The following TSPAN15 variants were observed in gnomAD, a reference collection of about 807,000 sequenced individuals.
The protein encoded by TSPAN15 is tetraspanin 15, also known as tetraspanin-15.
Under a neutral mutation model 34.5 loss-of-function variants are expected in TSPAN15, and 20 were observed. That is an observed-to-expected ratio of 0.58 (90% CI 0.41 to 0.84). The LOEUF is 0.84. Among genes scored for constraint, TSPAN15 ranks in the 40% least tolerant of loss-of-function variants. The pLI is 0.00. For missense variants in TSPAN15, 313 were observed against 386.1 expected (o/e 0.81, Z 1.59); for synonymous variants, 155 against 153.9 (o/e 1.01, Z -0.05).
At chr10:69,473,542 C>T (rs761245866) in intron 1 of TSPAN15, among the ~76,000 whole-genome samples, 3 of 152,174 alleles carry the variant, frequency 2.0e-5, no homozygotes, top group Non-Finnish European at 2.9e-5. Context: ...GGGCCGCCCA[C>T]AGTCTGCTGA....
At chr10:69,467,254 G>C (rs537152370) in intron 1 of TSPAN15, among the ~76,000 whole-genome samples, 1 of 152,112 alleles carries the variant, frequency 6.6e-6, no homozygotes, top group Non-Finnish European at 1.5e-5. Flanking sequence ...TAATAGGTAG[G>C]TTCCCATTAC....
intron 1 of TSPAN15, among the ~76,000 whole-genome samples, chr10:69,480,989 C>T (rs1272978426): frequency 2.0e-5 from 3 of 152,188 alleles, no homozygotes; most frequent in Non-Finnish European, 2.9e-5. Flanking sequence ...TGAGCCACTG[C>T]GCCCGGCCTG....
chr10:69,529,917 A>G, the TSPAN15 span, among the ~76,000 whole-genome samples: 2 of 138,964 alleles, frequency 1.4e-5, 1 homozygote, highest in Admixed American at 1.6e-4. Flanking sequence ...CTTAGCTCCC[A>G]CTTATAAGTG....
the TSPAN15 span, among the ~76,000 whole-genome samples, chr10:69,530,824 A>C: frequency 0.11 from 3,406 of 30,574 alleles, 45 homozygotes; most frequent in Non-Finnish European, 0.13. Flanking sequence ...CTCTCTCTAT[A>C]TATATATATA....
chr10:69,496,086 T>C (rs2133140984), intron 4 of TSPAN15, among the ~76,000 whole-genome samples: 1 of 152,122 alleles, frequency 6.6e-6, no homozygotes, highest in East Asian at 1.9e-4. Flanking sequence ...GGGAGTAACC[T>C]ACCCCAGTCC....
At chr10:69,474,216 C>A (rs959971441) in intron 1 of TSPAN15, among the ~76,000 whole-genome samples, 5 of 147,848 alleles carry the variant, frequency 3.4e-5, no homozygotes, top group Admixed American at 2.1e-4. Flanking sequence ...TCCCTTATGG[C>A]GGCTTCTCCT....
chr10:69,453,280 A>G (rs1841013926), intron 1 of TSPAN15, among the ~76,000 whole-genome samples: 1 of 152,096 alleles, frequency 6.6e-6, no homozygotes, highest in Non-Finnish European at 1.5e-5. Context: ...TGGCATAGGT[A>G]TTTATTTAAA....
chr10:69,492,997 C>T (rs921539385), intron 3 of TSPAN15, among the ~76,000 whole-genome samples: 4 of 152,192 alleles, frequency 2.6e-5, no homozygotes, highest in African/African-American at 4.8e-5. Flanking sequence ...CCCATGAGTA[C>T]GTAGCTCAGC....
At chr10:69,494,588 A>T in intron 3 of TSPAN15, 2 of 964,562 alleles carry the variant, frequency 2.1e-6, no homozygotes, top group Non-Finnish European at 1.2e-6. Flanking sequence ...GCTCGAAGTT[A>T]CCTTAAAGAT....
At chr10:69,532,884 C>A in the TSPAN15 span, among the ~76,000 whole-genome samples, 1 of 152,116 alleles carries the variant, frequency 6.6e-6, no homozygotes, top group African/African-American at 2.4e-5. Context: ...TGAATAAATT[C>A]TCAAAAGAAG....
chr10:69,453,332 A>T (rs1457729266), intron 1 of TSPAN15, among the ~76,000 whole-genome samples: 4 of 152,192 alleles, frequency 2.6e-5, no homozygotes, highest in Non-Finnish European at 5.9e-5. Context: ...ACTAGAATTA[A>T]GGTAATTCTA....
the TSPAN15 span, among the ~76,000 whole-genome samples, chr10:69,519,052 T>C: frequency 6.6e-6 from 1 of 152,214 alleles, no homozygotes; most frequent in Non-Finnish European, 1.5e-5. Flanking sequence ...TACAGCTATT[T>C]AAATGAAGGA....
the TSPAN15 span, among the ~76,000 whole-genome samples, chr10:69,524,085 G>A: frequency 1.3e-5 from 2 of 148,148 alleles, no homozygotes; most frequent in Non-Finnish European, 3.0e-5. Context: ...AATATAAGTA[G>A]GAAATAAAGG....
At chr10:69,475,433 A>G (rs1841595856) in intron 1 of TSPAN15, among the ~76,000 whole-genome samples, 2 of 152,132 alleles carry the variant, frequency 1.3e-5, no homozygotes, top group East Asian at 1.9e-4. Flanking sequence ...CCCAGGAGGA[A>G]GTAATTGCTC....
At chr10:69,514,258 G>T in the TSPAN15 span, among the ~76,000 whole-genome samples, 2 of 152,170 alleles carry the variant, frequency 1.3e-5, no homozygotes, top group Non-Finnish European at 2.9e-5. Context: ...TTAATATATT[G>T]TTGGATTTGG....
At chr10:69,485,498 T>C (rs938934051) in intron 3 of TSPAN15, among the ~76,000 whole-genome samples, 6 of 152,038 alleles carry the variant, frequency 3.9e-5, no homozygotes, top group African/African-American at 1.4e-4. Context: ...AGAAATGAGC[T>C]TAGCATGTGA....
chr10:69,495,269 C>T (rs976803910), intron 3 of TSPAN15: 21 of 255,698 alleles, frequency 8.2e-5, no homozygotes, highest in South Asian at 1.9e-4. Context: ...TCAGGCATGG[C>T]GGCATCAGAG....
At chr10:69,467,617 T>TAAACA (rs1321999274) in intron 1 of TSPAN15, among the ~76,000 whole-genome samples, 18 of 147,760 alleles carry the variant, frequency 1.2e-4, no homozygotes, top group Admixed American at 4.1e-4. Context: ...TTGTCTCCTC[T>TAAACA]AAACAAAACA....
intron 1 of TSPAN15, among the ~76,000 whole-genome samples, chr10:69,461,877 C>T (rs1185324966): frequency 6.6e-6 from 1 of 152,078 alleles, no homozygotes; most frequent in Admixed American, 6.5e-5. Context: ...AGGCCTCCTA[C>T]CCTGGGAGGA....
Sources: gnomAD v4.1 joint callset for allele counts (sites outside exome capture counted in the v4.1 genomes callset) on GRCh38, gnomAD v4.1.1 for gene constraint, MANE v1.5 for transcripts, NCBI Gene and HGNC (gene_info 2026-07-23, HGNC 2026-07-21) for gene names.